The following ZNF808 variants were observed in gnomAD, a reference collection of about 807,000 sequenced individuals.
ZNF808 encodes the protein zinc finger protein 808.
In ZNF808, 5 loss-of-function variants were observed where a neutral mutation model predicts 8.7. That is an observed-to-expected ratio of 0.58 (90% confidence interval 0.30 to 1.21). The LOEUF is 1.21. Among genes scored for constraint, ZNF808 ranks in the 50% most tolerant of loss-of-function variants. ZNF808 has a pLI of 0.07. For synonymous variants in ZNF808, 380 were observed against 366.0 expected, an observed-to-expected ratio of 1.04 and a Z score of -0.44; for missense variants, 1,103 against 1,098.4, an observed-to-expected ratio of 1.00 and a Z score of -0.06.
intron 2 of ZNF808, among the ~76,000 whole-genome samples, chr19:52,539,469 G>A (rs1383145751): frequency 2.0e-5 from 3 of 150,654 alleles, no homozygotes; most frequent in Admixed American, 1.3e-4. Flanking sequence ...GATTACAGGC[G>A]TGAGCCACCA....
At chr19:52,541,670 C>T (rs2059671795) in intron 2 of ZNF808, among the ~76,000 whole-genome samples, 1 of 151,712 alleles carries the variant, frequency 6.6e-6, no homozygotes, top group Non-Finnish European at 1.5e-5. Flanking sequence ...TAAAGGGATT[C>T]CAGTTCTCCA....
Position 52,553,470 on chromosome 19 carries a change from G to A in ZNF808, c.554G>A (p.Ser185Asn). The A allele has an allele frequency of 2.5e-6, 4 of 1,614,170 alleles. No homozygotes were observed. The highest frequency in any genetic ancestry group is 1.7e-5 in the Admixed American group (1 of 60,018). Residue 185 changes from serine (S) to asparagine (N), a missense_variant, in exon 5 of 5, where the codon AGT (serine) becomes AAT (asparagine). Physicochemically the swap from Ser to Asn is conservative, Grantham distance 46. Coordinates refer to ENST00000359798, the MANE Select transcript of ZNF808 (RefSeq NM_001039886.4). ...GCTAATCAACTTGAGAAGTCTACCA[G>A]TGATGCTTCCTCAGTTTCAACATCC... ...EIANQLEKST[S>N]DASSVSTSQR... is the part of the protein sequence containing the mutation.
At chr19:52,539,204 T>TTTTA (rs3049211) in intron 2 of ZNF808, among the ~76,000 whole-genome samples, 1 of 141,452 alleles carries the variant, frequency 7.1e-6, no homozygotes, top group East Asian at 2.0e-4. Flanking sequence ...TTTTTTTTTT[T>TTTTA]AATTTTTGAG....
At chr19:52,563,988 C>T (rs2059866096) in exon 4 of ZNF808, 1 of 404,002 alleles carries the variant, frequency 2.5e-6, no homozygotes, top group Non-Finnish European at 4.6e-6. Context: ...AAGAGCAAAC[C>T]TCTGTCTAAA....
At chr19:52,528,750 G>C (rs932486025) in intron 1 of ZNF808, among the ~76,000 whole-genome samples, 7 of 152,074 alleles carry the variant, frequency 4.6e-5, no homozygotes, top group Non-Finnish European at 5.9e-5. Context: ...GGGTGACACA[G>C]AGTGGGGACA....
chr19:52,566,786 A>G (rs955540225), downstream of ZNF808, among the ~76,000 whole-genome samples: 1 of 152,150 alleles, frequency 6.6e-6, no homozygotes, highest in Non-Finnish European at 1.5e-5. Flanking sequence ...CGCATGACTC[A>G]TGGTCTTAAG....
intron 4 of ZNF808, among the ~76,000 whole-genome samples, chr19:52,550,993 G>C (rs577861591): frequency 1.3e-5 from 2 of 152,100 alleles, no homozygotes; most frequent in South Asian, 4.2e-4. Context: ...GGCTGAGGTG[G>C]GTAGATGGCT....
At chr19:52,529,779 G>A (rs567641456) in intron 1 of ZNF808, among the ~76,000 whole-genome samples, 2 of 152,090 alleles carry the variant, frequency 1.3e-5, no homozygotes, top group East Asian at 1.9e-4. Context: ...CTGGAGTGCA[G>A]TGGCGTGATC....
downstream of ZNF808, among the ~76,000 whole-genome samples, chr19:52,564,778 ACTGT>A (rs1312518135): frequency 2.6e-5 from 4 of 152,174 alleles, no homozygotes; most frequent in Non-Finnish European, 5.9e-5. Flanking sequence ...ACATGGAGAA[ACTGT>A]CTGTATTAAA....
At chr19:52,558,147 G>T (rs1341946761), downstream of ZNF808, among the ~76,000 whole-genome samples, 1 of 146,950 alleles carries the variant, frequency 6.8e-6, no homozygotes, top group African/African-American at 2.5e-5. Context: ...GTGCAGTGGC[G>T]CAATCTCGGC....
intron 4 of ZNF808, among the ~76,000 whole-genome samples, chr19:52,549,589 G>A (rs1036358360): frequency 1.3e-5 from 2 of 152,004 alleles, no homozygotes; most frequent in Admixed American, 6.6e-5. Flanking sequence ...TGCTCAATTA[G>A]TTCCACTTTC....
Position 52,538,693 on chromosome 19 carries a change from G to T in ZNF808, c.-19-4573G>T, listed in dbSNP as rs191770298. On this transcript the variant is annotated intron_variant, in intron 2 of 4. Coordinates refer to ENST00000359798, the MANE Select transcript of ZNF808 (RefSeq NM_001039886.4). ...CATAAAATGAGCAGAAGCCCAGGGG[G>T]AAATGCAGAAAAGAAACAGATGGAG... is the stretch of plus-strand genomic sequence containing the variant. Among the ~76,000 whole-genome samples, 521 of 150,540 alleles carry T rather than the reference G, an allele frequency of 3.5e-3. 5 individuals carry two copies. Among genetic ancestry groups the T allele is most frequent in the African/African-American group, 0.012 (486 of 40,768 alleles).
downstream of ZNF808, among the ~76,000 whole-genome samples, chr19:52,558,421 G>A (rs932806166): frequency 1.1e-4 from 16 of 151,572 alleles, no homozygotes; most frequent in Non-Finnish European, 1.9e-4. Context: ...ACCCAGGCTG[G>A]AGTGCAGTGG....
At chr19:52,559,834 C>T (rs954609429), downstream of ZNF808, among the ~76,000 whole-genome samples, 4 of 152,104 alleles carry the variant, frequency 2.6e-5, no homozygotes, top group South Asian at 8.3e-4. Flanking sequence ...TACAGTGATT[C>T]TGTTGCCTGA....
chr19:52,561,176 C>CTT (rs1568494888), downstream of ZNF808, among the ~76,000 whole-genome samples: 13 of 43,264 alleles, frequency 3.0e-4, 1 homozygote, highest in Non-Finnish European at 5.5e-4. Flanking sequence ...CTCTCTCTCT[C>CTT]TCTCTCTCTC....
intron 2 of ZNF808, among the ~76,000 whole-genome samples, chr19:52,536,746 G>A (rs544603855): frequency 6.6e-5 from 10 of 152,272 alleles, no homozygotes; most frequent in African/African-American, 2.2e-4. Context: ...AGGACACCGG[G>A]GGATCTGGGG....
At chr19:52,545,744 T>C (rs1360116390) in intron 3 of ZNF808, among the ~76,000 whole-genome samples, 2 of 151,886 alleles carry the variant, frequency 1.3e-5, no homozygotes, top group East Asian at 3.9e-4. Context: ...TGTGCCACTG[T>C]ATTCCAGCCT....
downstream of ZNF808, among the ~76,000 whole-genome samples, chr19:52,566,830 C>T (rs919606596): frequency 4.6e-5 from 7 of 152,166 alleles, no homozygotes; most frequent in African/African-American, 1.7e-4. Flanking sequence ...CTTAATCATA[C>T]CTGCAAGGAC....
At chr19:52,546,609 G>A (rs1261660594) in intron 3 of ZNF808, among the ~76,000 whole-genome samples, 1 of 149,834 alleles carries the variant, frequency 6.7e-6, no homozygotes, top group Admixed American at 6.7e-5. Context: ...GAACATAATA[G>A]CTGACATGTC....
Sources: allele counts gnomAD v4.1 joint callset (sites outside exome capture counted in the v4.1 genomes callset), GRCh38; gene constraint gnomAD v4.1.1; transcripts MANE v1.5; gene names NCBI Gene and HGNC (gene_info 2026-07-23, HGNC 2026-07-21).